Variants in DOCK7 observed in about 807,000 individuals in gnomAD.
The protein encoded by DOCK7 is dedicator of cytokinesis 7.
A neutral mutation model predicts 271.0 loss-of-function variants in DOCK7; 138 were observed. That is an observed-to-expected ratio of 0.51 (90% CI 0.44 to 0.59). DOCK7 has a LOEUF of 0.59. Among genes scored for constraint, DOCK7 ranks in the 20% least tolerant of loss-of-function variants. The probability of loss-of-function intolerance (pLI) is 0.00; values close to 1 mark genes in which losing one functional copy is unlikely to be tolerated. For missense variants in DOCK7, 2,066 were observed against 2,592.4 expected (o/e 0.80, Z 4.41); for synonymous variants, 823 against 876.1 (o/e 0.94, Z 1.07).
chr1:62,579,886 C>T (rs991103272), intron 16 of DOCK7, among the ~76,000 whole-genome samples: 2 of 151,966 alleles, frequency 1.3e-5, no homozygotes, highest in Admixed American at 6.6e-5. Flanking sequence ...AGTTTAGAAG[C>T]GCTTCCAGAC....
chr1:62,523,039 A>G, intron 31 of DOCK7, among the ~76,000 whole-genome samples: 1 of 152,182 alleles, frequency 6.6e-6, no homozygotes, highest in Admixed American at 6.5e-5. Flanking sequence ...TTATGTACTG[A>G]AAGACACTAA....
chr1:62,665,515 A>T (rs1210937954), intron 1 of DOCK7, among the ~76,000 whole-genome samples: 1 of 151,290 alleles, frequency 6.6e-6, no homozygotes, highest in Non-Finnish European at 1.5e-5. Flanking sequence ...ACCATCCTGA[A>T]CAACGTGGTG....
intron 16 of DOCK7, 151 bp downstream of exon 16, chr1:62,583,033 G>A (rs1341967653): frequency 5.4e-6 from 3 of 558,660 alleles, no homozygotes; most frequent in African/African-American, 3.7e-5. Flanking sequence ...GAGAATGGCT[G>A]TGCATCCACA....
intron 18 of DOCK7, among the ~76,000 whole-genome samples, chr1:62,567,916 T>C (rs1012714896): frequency 6.6e-6 from 1 of 152,134 alleles, no homozygotes; most frequent in Non-Finnish European, 1.5e-5. Flanking sequence ...CTGATAGATA[T>C]CTACAGAACT....
chr1:62,624,719 C>T (rs750362995), intron 12 of DOCK7, among the ~76,000 whole-genome samples: 1 of 152,114 alleles, frequency 6.6e-6, no homozygotes, highest in Non-Finnish European at 1.5e-5. Flanking sequence ...GTGGCTCACA[C>T]CTGTAATCCC....
intron 37 of DOCK7, among the ~76,000 whole-genome samples, chr1:62,497,675 T>G (rs1405512365): frequency 1.3e-5 from 2 of 152,198 alleles, no homozygotes; most frequent in African/African-American, 4.8e-5. Context: ...AACTTCCTAA[T>G]CAATCTCCAT....
At chr1:62,514,879 T>G (rs1304036903) in intron 31 of DOCK7, among the ~76,000 whole-genome samples, 1 of 152,044 alleles carries the variant, frequency 6.6e-6, no homozygotes, top group Non-Finnish European at 1.5e-5. Context: ...GCCCATACTC[T>G]TCACTATTAT....
chr1:62,550,303 T>G (rs1232701607), intron 22 of DOCK7, among the ~76,000 whole-genome samples: 4 of 152,150 alleles, frequency 2.6e-5, no homozygotes, highest in Non-Finnish European at 1.5e-5. Context: ...TATTCATTTT[T>G]AATACAGAAG....
chr1:62,470,991 C>T (rs141113071), intron 48 of DOCK7, among the ~76,000 whole-genome samples: 110 of 152,278 alleles, frequency 7.2e-4, no homozygotes, highest in African/African-American at 2.5e-3. Flanking sequence ...CTTCTTTATC[C>T]TCCTCCGTAG....
chr1:62,512,216 A>G (rs1644508442), intron 33 of DOCK7, among the ~76,000 whole-genome samples: 1 of 152,224 alleles, frequency 6.6e-6, no homozygotes, highest in Non-Finnish European at 1.5e-5. Flanking sequence ...ACTTACATTC[A>G]TATTTTAAGT....
intron 1 of DOCK7, among the ~76,000 whole-genome samples, chr1:62,670,003 G>A (rs1659765630): frequency 1.3e-5 from 2 of 152,244 alleles, no homozygotes; most frequent in Non-Finnish European, 2.9e-5. Context: ...AGCCCTGCTG[G>A]CCCCGGGCAA....
At chr1:62,650,411 G>C (rs545261510) in intron 4 of DOCK7, among the ~76,000 whole-genome samples, 2 of 152,208 alleles carry the variant, frequency 1.3e-5, no homozygotes, top group African/African-American at 4.8e-5. Context: ...GCTGAATCGT[G>C]GAAGAATTTC....
At chr1:62,648,619 G>T in intron 4 of DOCK7, 75 bp from the exon 5 acceptor site, 1 of 781,412 alleles carries the variant, frequency 1.3e-6, no homozygotes, top group Non-Finnish European at 1.8e-6. Context: ...GCATCATTAT[G>T]TAATAAGCCA....
chr1:62,645,418 A>C (rs1305724795), intron 7 of DOCK7, among the ~76,000 whole-genome samples: 4 of 152,180 alleles, frequency 2.6e-5, no homozygotes, highest in African/African-American at 9.7e-5. Context: ...GTTTAAAAAA[A>C]AAAAACAAAA....
At chr1:62,675,880 A>G (rs1660500740) in intron 1 of DOCK7, among the ~76,000 whole-genome samples, 1 of 152,238 alleles carries the variant, frequency 6.6e-6, no homozygotes, top group Non-Finnish European at 1.5e-5. Flanking sequence ...CTATAATCAA[A>G]GAGGACAATA....
chr1:62,568,438 T>G (rs1028635664), intron 18 of DOCK7, among the ~76,000 whole-genome samples: 2 of 149,564 alleles, frequency 1.3e-5, no homozygotes, highest in African/African-American at 4.9e-5. Flanking sequence ...GTAGCTGGCA[T>G]TACAGGCACG....
intron 13 of DOCK7, 61 bp downstream of exon 13, chr1:62,619,839 C>A: frequency 9.7e-7 from 1 of 1,030,398 alleles, no homozygotes; most frequent in Non-Finnish European, 1.4e-6. Flanking sequence ...TAATTATAAG[C>A]AATACAACAT....
At chr1:62,473,499 G>A (rs1368066260) in intron 48 of DOCK7, among the ~76,000 whole-genome samples, 20 of 152,162 alleles carry the variant, frequency 1.3e-4, no homozygotes, top group Admixed American at 1.3e-3. Flanking sequence ...GGTTGTGGGA[G>A]AGGGGAATAA....
intron 21 of DOCK7, among the ~76,000 whole-genome samples, chr1:62,553,347 TATATATA>T (rs1357583199): frequency 1.4e-3 from 5 of 3,696 alleles, no homozygotes; most frequent in Admixed American, 4.9e-3. Context: ...TATATATATA[TATATATA>T]TTTTTTTTTT....
Sources: allele counts gnomAD v4.1 joint callset (sites outside exome capture counted in the v4.1 genomes callset), GRCh38; gene constraint gnomAD v4.1.1; transcripts MANE v1.5; gene names NCBI Gene and HGNC (gene_info 2026-07-23, HGNC 2026-07-21).